PKNOX2: variants seen among roughly 807,000 people sequenced by gnomAD.
The protein encoded by PKNOX2 is homeobox protein PKNOX2.
A neutral mutation model predicts 53.1 loss-of-function variants in PKNOX2; 14 were observed. That is an observed-to-expected ratio of 0.26 (90% confidence interval 0.17 to 0.41). The LOEUF (loss-of-function observed/expected upper bound fraction) is 0.41. Among genes scored for constraint, PKNOX2 ranks in the 10% least tolerant of loss-of-function variants. The pLI is 1.00. For synonymous variants in PKNOX2, 257 were observed against 242.8 expected, an observed-to-expected ratio of 1.06 and a Z score of -0.54; for missense variants, 496 against 602.8, an observed-to-expected ratio of 0.82 and a Z score of 1.85.
At chr11:125,380,009 G>T in intron 5 of PKNOX2, among the ~76,000 whole-genome samples, 1 of 151,698 alleles carries the variant, frequency 6.6e-6, no homozygotes, top group East Asian at 1.9e-4. Flanking sequence ...AGGGGGTGGA[G>T]GGTGGGATGG....
chr11:125,352,005 C>G lies in PKNOX2; in HGVS notation c.87+613C>G, dbSNP rs919341174. ...CACAGCCGCCCCCCAAGATCTTCTG[C>G]GCTCCCCACCCCGATTGCCTCTCCT... On this transcript the variant is annotated intron_variant, in intron 4 of 12. Coordinates refer to ENST00000298282, the MANE Select transcript of PKNOX2 (RefSeq NM_001382323.2). The surrounding 1 kb of genome is among the most constrained non-coding windows in gnomAD (Gnocchi z 4.1). 3.3e-5 allele frequency among the ~76,000 whole-genome samples: 5 copies of G among 152,088 alleles called. No individual in the cohort carries two copies. Among genetic ancestry groups the G allele is most frequent in the African/African-American group, 7.2e-5 (3 of 41,414 alleles).
intron 2 of PKNOX2, among the ~76,000 whole-genome samples, chr11:125,247,986 C>T (rs1416361672): frequency 6.6e-6 from 1 of 152,180 alleles, no homozygotes; most frequent in Non-Finnish European, 1.5e-5. Context: ...CCCAGAGCCC[C>T]TGGCCTGAAC....
intron 1 of PKNOX2, among the ~76,000 whole-genome samples, chr11:125,192,335 G>A (rs766846170): frequency 2.6e-5 from 4 of 152,190 alleles, no homozygotes; most frequent in East Asian, 1.9e-4. Context: ...CAGGCGCTGC[G>A]GCTAAAGAAT....
intron 2 of PKNOX2, among the ~76,000 whole-genome samples, chr11:125,321,953 T>C (rs1949536248): frequency 6.6e-6 from 1 of 151,564 alleles, no homozygotes; most frequent in Non-Finnish European, 1.5e-5. Flanking sequence ...CGAGTCTTTT[T>C]TATAAGGCCA....
intron 2 of PKNOX2, among the ~76,000 whole-genome samples, chr11:125,328,227 T>C (rs973808595): frequency 6.6e-6 from 1 of 152,194 alleles, no homozygotes; most frequent in Admixed American, 6.5e-5. Context: ...ATCTGGAGGC[T>C]GACAGTCAGA....
intron 2 of PKNOX2, among the ~76,000 whole-genome samples, chr11:125,283,951 T>C (rs2135866662): frequency 6.6e-6 from 1 of 152,302 alleles, no homozygotes; most frequent in East Asian, 1.9e-4. Flanking sequence ...GGGAAAGTGA[T>C]ATAACATGGC....
intron 2 of PKNOX2, among the ~76,000 whole-genome samples, chr11:125,299,271 C>T (rs1947871491): frequency 6.6e-6 from 1 of 152,190 alleles, no homozygotes; most frequent in Non-Finnish European, 1.5e-5. Context: ...ACCTCCCGCC[C>T]AGCCCCACCT....
Position 125,176,151 on chromosome 11 carries a change from G to A in PKNOX2, c.-201+11375G>A, listed in dbSNP as rs147628412. On this transcript the variant is annotated intron_variant, in intron 1 of 12. Coordinates refer to ENST00000298282, the MANE Select transcript of PKNOX2 (RefSeq NM_001382323.2). ...AATTCAAGCTTAGAGTCAACCAACC[G>A]GAATTGGGGCCTCCAAAGTGCTCGT... Among the ~76,000 whole-genome samples the A allele has an allele frequency of 5.0e-3, 763 of 152,270 alleles. 5 individuals carry two copies. The highest frequency in any genetic ancestry group is 0.017 in the African/African-American group (717 of 41,566).
chr11:125,335,007 C>T (rs1358404534), intron 3 of PKNOX2, among the ~76,000 whole-genome samples: 1 of 152,122 alleles, frequency 6.6e-6, no homozygotes. Context: ...AAGAATGCAC[C>T]TCACACAATG....
chr11:125,428,614 C>G (rs1161477173), intron 10 of PKNOX2, among the ~76,000 whole-genome samples: 1 of 152,226 alleles, frequency 6.6e-6, no homozygotes, highest in African/African-American at 2.4e-5. Context: ...ACCCCGCCTA[C>G]CACCTTCTAT....
In PKNOX2 at chr11:125,351,541, C is replaced by A. The variant is rs981929920; in HGVS notation, c.87+149C>A. On this transcript the variant is annotated intron_variant, in intron 4 of 12. Coordinates refer to ENST00000298282, the MANE Select transcript of PKNOX2 (RefSeq NM_001382323.2). ...CCTGGTGGCACTCCGGGCTCTTTCC[C>A]GTCAGCCTGGGGAGCGAGAGCCCTG... is the stretch of plus-strand genomic sequence containing the variant. The A allele has an allele frequency of 8.0e-6, 5 of 623,682 alleles. No homozygotes were observed. In the Admixed American group the frequency reaches 1.1e-4, roughly 14 times the overall value. 38.6% of individuals were successfully genotyped at this position (623,682 alleles called of 1,614,324 possible). A position where few individuals can be genotyped will look rare whatever the true frequency, so the allele number is the denominator to read the frequency against.
chr11:125,224,491 G>A (rs1046154736), intron 1 of PKNOX2, among the ~76,000 whole-genome samples: 1 of 152,216 alleles, frequency 6.6e-6, no homozygotes, highest in East Asian at 1.9e-4. Flanking sequence ...CTGGGAGGCC[G>A]AGGCCTGTGC....
intron 2 of PKNOX2, among the ~76,000 whole-genome samples, chr11:125,315,303 G>GAAAAAAAAAAAAAAAAAAAAAA (rs534448203): frequency 1.0e-4 from 8 of 79,442 alleles, no homozygotes; most frequent in African/African-American, 2.7e-4. Flanking sequence ...TGTGAAGCAG[G>GAAAAAAAAAAAAAAAAAAAAAA]AAAAAAAAAA....
At chr11:125,278,355 G>A (rs1313285854) in intron 2 of PKNOX2, among the ~76,000 whole-genome samples, 1 of 152,210 alleles carries the variant, frequency 6.6e-6, no homozygotes, top group Non-Finnish European at 1.5e-5. Flanking sequence ...TCGTAGGGAA[G>A]TCTGGGTTTC....
At chr11:125,412,111 A>G (rs1955593547) in intron 10 of PKNOX2, among the ~76,000 whole-genome samples, 1 of 152,196 alleles carries the variant, frequency 6.6e-6, no homozygotes, top group Non-Finnish European at 1.5e-5. Flanking sequence ...CACATGGGGT[A>G]ATGGGGACAA....
intron 2 of PKNOX2, among the ~76,000 whole-genome samples, chr11:125,248,877 A>G (rs1003371710): frequency 3.7e-5 from 5 of 134,602 alleles, no homozygotes; most frequent in African/African-American, 8.3e-5. Context: ...TATATAACGT[A>G]TATATATAAC....
At chr11:125,349,002 C>A (rs895546444) in intron 3 of PKNOX2, among the ~76,000 whole-genome samples, 14 of 152,158 alleles carry the variant, frequency 9.2e-5, no homozygotes, top group Non-Finnish European at 1.5e-5. Context: ...GGACGAGCAT[C>A]TGTGATCGAT....
chr11:125,225,956 C>T (rs986276659), intron 1 of PKNOX2, among the ~76,000 whole-genome samples: 1 of 152,298 alleles, frequency 6.6e-6, no homozygotes, highest in East Asian at 1.9e-4. Context: ...CAGGGATCAA[C>T]CTGTAGCCCA....
chr11:125,298,921 C>A (rs947601307), intron 2 of PKNOX2, among the ~76,000 whole-genome samples: 9 of 152,150 alleles, frequency 5.9e-5, no homozygotes, highest in African/African-American at 2.2e-4. Flanking sequence ...CCAGATCAAG[C>A]CCTGTGTTAG....
Sources: allele counts gnomAD v4.1 joint callset (sites outside exome capture counted in the v4.1 genomes callset), GRCh38; gene constraint gnomAD v4.1.1; non-coding constraint Gnocchi (gnomAD v3.1); transcripts MANE v1.5; gene names NCBI Gene and HGNC (gene_info 2026-07-23, HGNC 2026-07-21).